The following PTPRG variants were observed in gnomAD, a reference collection of about 807,000 sequenced individuals.
PTPRG encodes receptor-type tyrosine-protein phosphatase gamma.
In PTPRG, 102 loss-of-function variants were observed where a neutral mutation model predicts 165.3. The observed-to-expected ratio is 0.62, with a 90% CI of 0.53 to 0.73. PTPRG has a LOEUF of 0.73. Among genes scored for constraint, PTPRG ranks in the 30% least tolerant of loss-of-function variants. The probability of loss-of-function intolerance (pLI) is 0.00; values close to 1 mark genes in which losing one functional copy is unlikely to be tolerated. For missense variants in PTPRG, 1,866 were observed against 1,861.4 expected, an observed-to-expected ratio of 1.00 and a Z score of -0.05; for synonymous variants, 675 against 669.5, an observed-to-expected ratio of 1.01 and a Z score of -0.13.
intron 2 of PTPRG, chr3:61,749,946 A>G (rs2033365080): frequency 2.0e-5 from 3 of 152,302 alleles, no homozygotes; most frequent in Middle Eastern, 3.4e-3. Context: ...ATCCTGTTAA[A>G]TTTATGCCAG....
rs1324078135 is a variant in PTPRG, at chr3:62,092,503, A to G, written c.615+14245A>G. 3.3e-5 allele frequency among the ~76,000 whole-genome samples: 5 copies of G among 152,068 alleles called. No homozygotes were observed. The South Asian group carries it at 8.3e-4, about 25-fold the overall frequency. On this transcript the variant is annotated intron_variant, in intron 5 of 29. Transcript: ENST00000474889. ...TGCTTGTTTGGGGTTAATATCCTCA[A>G]TGCCTATCACAGAGAGATAATGAAT... is the stretch of plus-strand genomic sequence containing the variant.
At chr3:61,764,284 G>A (rs138574633) in intron 2 of PTPRG, among the ~76,000 whole-genome samples, 75 of 152,274 alleles carry the variant, frequency 4.9e-4, no homozygotes, top group African/African-American at 1.6e-3. Context: ...AGTGAGTGGA[G>A]CGTAGAAGTG....
At chr3:61,713,232 C>T (rs1420199811) in intron 1 of PTPRG, among the ~76,000 whole-genome samples, 1 of 151,070 alleles carries the variant, frequency 6.6e-6, no homozygotes, top group Non-Finnish European at 1.5e-5. Context: ...ACGATCTCGG[C>T]TCACTGCAAC....
intron 9 of PTPRG, among the ~76,000 whole-genome samples, chr3:62,194,242 C>G (rs1699905352): frequency 6.6e-6 from 1 of 152,156 alleles, no homozygotes; most frequent in African/African-American, 2.4e-5. Flanking sequence ...TGCCAACACC[C>G]CTATGTTAGC....
intron 13 of PTPRG, among the ~76,000 whole-genome samples, chr3:62,225,406 A>G (rs1346620481): frequency 3.3e-5 from 5 of 152,320 alleles, no homozygotes; most frequent in Non-Finnish European, 5.9e-5. Context: ...CCGGTGTCCA[A>G]TCAGTGTGCT....
In PTPRG at chr3:62,173,377, G is replaced by A. The variant is rs117674587; in HGVS notation, c.1033+5214G>A. On this transcript the variant is annotated intron_variant, in intron 8 of 29. Coordinates refer to ENST00000474889, the MANE Select transcript of PTPRG (RefSeq NM_002841.4). ...GCAGGAAGGCACCTGCAGATGATAT[G>A]TAAATGAGCATAGAAAATGTCTTGC... Among the ~76,000 whole-genome samples, 249 of 152,144 alleles carry A rather than the reference G, an allele frequency of 1.6e-3. 4 individuals are homozygous for A. In the East Asian group the frequency reaches 0.046, roughly 28 times the overall value.
At chr3:61,712,310 A>G (rs906160078) in intron 1 of PTPRG, among the ~76,000 whole-genome samples, 10 of 152,014 alleles carry the variant, frequency 6.6e-5, no homozygotes, top group South Asian at 2.1e-4. Context: ...AGATGCTAAT[A>G]TCTTGTCACA....
chr3:61,721,802 G>C (rs1158196850), intron 1 of PTPRG, among the ~76,000 whole-genome samples: 1 of 152,124 alleles, frequency 6.6e-6, no homozygotes, highest in African/African-American at 2.4e-5. Flanking sequence ...AGAAAATAAA[G>C]AAATAAGTTA....
At chr3:61,912,352 A>G (rs1414117980) in intron 2 of PTPRG, among the ~76,000 whole-genome samples, 1 of 152,142 alleles carries the variant, frequency 6.6e-6, no homozygotes, top group Non-Finnish European at 1.5e-5. Flanking sequence ...AATTTGCATA[A>G]TGAAGAGGGT....
chr3:62,292,495 TG>T lies in PTPRG; in HGVS notation c.4132del (p.Asp1378MetfsTer8). The T allele has an allele frequency of 1.9e-6, 3 of 1,613,786 alleles. No individual in the cohort carries two copies. The highest frequency in any genetic ancestry group is 8.5e-7 in the Non-Finnish European group (1 of 1,179,766). On this transcript the variant is annotated frameshift_variant, in exon 29 of 30. Transcript: ENST00000474889. LOFTEE classifies it high-confidence loss of function. Reference protein sequence around the residue: ...LSQQLENENAVDVFQVAKMIN... With the variant: ...LSQQLENENAXDVFQVAKMIN... ...CAGCAACTGGAGAATGAAAATGCTG[TG>T]GATGTTTTCCAGGTTGCAAAAATGA...
At chr3:61,630,297 A>G (rs1327901612) in intron 1 of PTPRG, among the ~76,000 whole-genome samples, 1 of 152,228 alleles carries the variant, frequency 6.6e-6, no homozygotes, top group Non-Finnish European at 1.5e-5. Flanking sequence ...TTCCTTCTCA[A>G]GGAGTTGACT....
chr3:61,647,742 A>C (rs1285349776), intron 1 of PTPRG, among the ~76,000 whole-genome samples: 2 of 144,744 alleles, frequency 1.4e-5, no homozygotes, highest in African/African-American at 5.2e-5. Context: ...CAGTGAGCTG[A>C]GATCACACCA....
chr3:61,656,578 T>C (rs1053200339), intron 1 of PTPRG, among the ~76,000 whole-genome samples: 17 of 152,194 alleles, frequency 1.1e-4, no homozygotes, highest in Non-Finnish European at 1.8e-4. Context: ...TAAAATTAAC[T>C]TTTAGGAATT....
intron 2 of PTPRG, among the ~76,000 whole-genome samples, chr3:61,988,839 A>G (rs563581312): frequency 2.4e-4 from 36 of 152,266 alleles, no homozygotes; most frequent in Non-Finnish European, 5.0e-4. Flanking sequence ...TTCATTTCCA[A>G]ATAGGACAGG....
chr3:61,792,980 G>T (rs866689195), intron 2 of PTPRG, among the ~76,000 whole-genome samples: 49 of 152,132 alleles, frequency 3.2e-4, no homozygotes, highest in Admixed American at 3.0e-3. Context: ...GGCCACTTCG[G>T]CCTTCCAAAG....
chr3:61,743,942 T>C (rs1328686475), intron 1 of PTPRG, among the ~76,000 whole-genome samples: 2 of 152,252 alleles, frequency 1.3e-5, no homozygotes. Context: ...ATTTGCATAA[T>C]TTAATTTTCT....
intron 2 of PTPRG, among the ~76,000 whole-genome samples, chr3:61,835,642 A>G (rs1012265302): frequency 6.6e-6 from 1 of 151,990 alleles, no homozygotes; most frequent in African/African-American, 2.4e-5. Context: ...CGTTCCTGCT[A>G]TTTAAGTCCT....
chr3:62,065,111 CGAATGGTAT>C (rs1420983273), intron 4 of PTPRG, among the ~76,000 whole-genome samples: 1 of 151,944 alleles, frequency 6.6e-6, no homozygotes, highest in Non-Finnish European at 1.5e-5. Context: ...TCCAGTGTTA[CGAATGGTAT>C]AGGAAAATTG....
At chr3:62,040,621 T>G (rs1174466226) in intron 4 of PTPRG, among the ~76,000 whole-genome samples, 1 of 152,210 alleles carries the variant, frequency 6.6e-6, no homozygotes, top group Non-Finnish European at 1.5e-5. Context: ...GCCCAGCTAA[T>G]TTTTTGTATT....
Sources: gnomAD v4.1 joint callset for allele counts (sites outside exome capture counted in the v4.1 genomes callset) on GRCh38, gnomAD v4.1.1 for gene constraint, MANE v1.5 for transcripts, NCBI Gene and HGNC (gene_info 2026-07-23, HGNC 2026-07-21) for gene names.